The following PNP variants were observed in gnomAD, a reference collection of about 807,000 sequenced individuals.
PNP encodes the protein purine nucleoside phosphorylase, also known as HEL-S-156an.
Under a neutral mutation model 26.8 loss-of-function variants are expected in PNP, and 18 were observed. That is an observed-to-expected ratio of 0.67 (90% CI 0.46 to 1.00). The LOEUF is 1.00. PNP is among the 50% of genes least tolerant of loss of function. The pLI is 0.00. For synonymous variants in PNP, 116 were observed against 124.8 expected (o/e 0.93, Z 0.47); for missense variants, 320 against 362.9 (o/e 0.88, Z 0.96).
chr14:20,475,997 G>A (rs1199548400), intron 5 of PNP, among the ~76,000 whole-genome samples: 1 of 152,116 alleles, frequency 6.6e-6, no homozygotes, highest in Non-Finnish European at 1.5e-5. Context: ...GTTTTAGGTG[G>A]GGCCTTGCTC....
chr14:20,469,438 A>G lies in PNP; in HGVS notation c.-87A>G. 6 of 1,518,968 alleles carry G rather than the reference A, an allele frequency of 4.0e-6. No individual in the cohort carries two copies. The highest frequency in any genetic ancestry group is 2.0e-5 in the Admixed American group (1 of 50,954). The allele number at this position is 1,518,968 out of a possible 1,614,324, so 94.1% of individuals were successfully genotyped here. On this transcript the variant is annotated 5_prime_UTR_variant, in exon 1 of 6. Transcript: ENST00000361505. ...CGAACCAGACCCGGCAGCCTTGCTC[A>G]GTTCAGCATAGCGGAGCGGATCCGA...
At chr14:20,475,801 T>A (rs1327560546) in intron 5 of PNP, among the ~76,000 whole-genome samples, 1 of 152,150 alleles carries the variant, frequency 6.6e-6, no homozygotes, top group Non-Finnish European at 1.5e-5. Flanking sequence ...GATGACTGTT[T>A]CTAAGAATTC....
chr14:20,475,482 A>G (rs982512007), intron 5 of PNP, among the ~76,000 whole-genome samples: 1 of 152,138 alleles, frequency 6.6e-6, no homozygotes, highest in African/African-American at 2.4e-5. Context: ...TGATCTATCC[A>G]TGATTTGATG....
At position 20,469,462 on chromosome 14, in the gene PNP, G is replaced by A. The variant is rs1056366137; in HGVS notation, c.-63G>A. Reference sequence around the variant, plus strand: ...CAGTTCAGCATAGCGGAGCGGATCCGATCGGATCGGAGCGGATCGGAGCAC... The same window carrying A: ...CAGTTCAGCATAGCGGAGCGGATCCAATCGGATCGGAGCGGATCGGAGCAC... On this transcript the variant is annotated 5_prime_UTR_variant, in exon 1 of 6. Transcript: ENST00000361505. 7.1e-6 allele frequency: 11 copies of A among 1,548,612 alleles called. No individual in the cohort carries two copies. Among genetic ancestry groups the A allele is most frequent in the Admixed American group, 2.0e-5 (1 of 51,010 alleles).
Position 20,472,309 on chromosome 14 carries a change from T to C in PNP, c.13T>C (p.Tyr5His), listed in dbSNP as rs200560458. The C allele has an allele frequency of 1.5e-5, 24 of 1,613,306 alleles. No homozygotes were observed. The highest frequency in any genetic ancestry group is 5.0e-5 in the Admixed American group (3 of 60,006). The change falls in exon 2 of 6, where the codon TAC (tyrosine) becomes CAC (histidine). Residue 5 changes from tyrosine to histidine, a missense_variant and splice_region_variant. Physicochemically the swap from Tyr to His is moderately conservative, Grantham distance 83. Transcript: ENST00000361505. ...ACCTTGATATTTTTTCTCCCCCAGATACACCTATGAAGATTATAAGAACAC... is the reference window on the plus strand; with the variant it reads ...ACCTTGATATTTTTTCTCCCCCAGACACACCTATGAAGATTATAAGAACAC... MENG[Y>H]TYEDYKNTAE...
intron 1 of PNP, among the ~76,000 whole-genome samples, chr14:20,471,430 G>GT (rs202204253): frequency 6.6e-6 from 1 of 150,980 alleles, no homozygotes; most frequent in Admixed American, 6.6e-5. Flanking sequence ...GTGTGTGTGT[G>GT]TTTTTTATAG....
At position 20,476,649 on chromosome 14, in the gene PNP, G is replaced by C; in HGVS notation, c.*48G>C. 6.7e-7 allele frequency: 1 copy of C among 1,487,292 alleles called. No homozygotes were observed. The highest frequency in any genetic ancestry group is 9.4e-7 in the Non-Finnish European group (1 of 1,065,474). 92.1% of individuals were successfully genotyped at this position (1,487,292 alleles called of 1,614,324 possible). Reference sequence around the variant, plus strand: ...TCTCCCACACAAGACCCAAGTAGCTGCTACCTTCTTTGGCCCCTTGCTGGA... The same window carrying C: ...TCTCCCACACAAGACCCAAGTAGCTCCTACCTTCTTTGGCCCCTTGCTGGA... On this transcript the variant is annotated 3_prime_UTR_variant, in exon 6 of 6. Coordinates refer to ENST00000361505, the MANE Select transcript of PNP (RefSeq NM_000270.4).
chr14:20,472,669 G>C (rs1389603983), intron 2 of PNP, 192 bp downstream of exon 2: 16 of 681,446 alleles, frequency 2.3e-5, no homozygotes, highest in Admixed American at 6.2e-5. Context: ...TCCCATAAGA[G>C]ACAGGACATG....
intron 1 of PNP, 38 bp downstream of exon 1, chr14:20,469,573 G>T: frequency 6.4e-7 from 1 of 1,554,024 alleles, no homozygotes. Flanking sequence ...CCTTGGGGAG[G>T]GGCAGGTGCT....
At chr14:20,472,825 CTTCTT>C in intron 2 of PNP, 1 of 262,674 alleles carries the variant, frequency 3.8e-6, no homozygotes, top group South Asian at 5.0e-5. Flanking sequence ...AGATTTCTAT[CTTCTT>C]TTCCCTGGAG....
chr14:20,473,919 T>A (rs1021354085), intron 2 of PNP: 1 of 157,396 alleles, frequency 6.4e-6, no homozygotes, highest in African/African-American at 2.4e-5. Flanking sequence ...TTTTGTTATA[T>A]GGATATACTG....
At chr14:20,475,319 G>A in intron 5 of PNP, 67 bp downstream of exon 5, 3 of 1,373,910 alleles carry the variant, frequency 2.2e-6, no homozygotes, top group Non-Finnish European at 3.0e-6. Flanking sequence ...AGGGGAAGGA[G>A]TAGGAAATAA....
rs772212348 is a variant in PNP at position 20,475,169 on chromosome 14, G to C, written c.569G>C (p.Gly190Ala). ...QMGEQRELQEGTYVMVAGPSF... is the reference protein window; with the variant it reads ...QMGEQRELQEATYVMVAGPSF... ...GGGGAGCAACGTGAGCTACAGGAAGGCACCTATGTGATGGTGGCAGGCCCC... is the reference window on the plus strand; with the variant it reads ...GGGGAGCAACGTGAGCTACAGGAAGCCACCTATGTGATGGTGGCAGGCCCC... Residue 190 changes from glycine (G) to alanine (A), a missense_variant, in exon 5 of 6, where the codon GGC becomes GCC. Gly to Ala is a moderately conservative substitution (Grantham distance 60). Transcript: ENST00000361505. 2 of 1,614,216 alleles carry C rather than the reference G, an allele frequency of 1.2e-6. No homozygotes were observed. Among genetic ancestry groups the C allele is most frequent in the Non-Finnish European group, 1.7e-6 (2 of 1,180,040 alleles).
chr14:20,469,435 C>T lies in PNP; in HGVS notation c.-90C>T. On this transcript the variant is annotated 5_prime_UTR_variant, in exon 1 of 6. Transcript: ENST00000361505. ...GTGCGAACCAGACCCGGCAGCCTTG[C>T]TCAGTTCAGCATAGCGGAGCGGATC... is the stretch of plus-strand genomic sequence containing the variant. 3 of 1,517,722 alleles carry T rather than the reference C, an allele frequency of 2.0e-6. No homozygotes were observed. Among genetic ancestry groups the T allele is most frequent in the Non-Finnish European group, 1.8e-6 (2 of 1,117,706 alleles). The allele number at this position is 1,517,722 out of a possible 1,614,324, so 94.0% of individuals were successfully genotyped here.
At chr14:20,469,826 G>A (rs1369553467) in intron 1 of PNP, 1 of 596,970 alleles carries the variant, frequency 1.7e-6, no homozygotes, top group Non-Finnish European at 3.0e-6. Flanking sequence ...GTGTCTCCGT[G>A]TGTGTGTTAG....
intron 1 of PNP, among the ~76,000 whole-genome samples, chr14:20,471,369 C>A (rs970818430): frequency 1.3e-5 from 2 of 151,622 alleles, no homozygotes; most frequent in Non-Finnish European, 2.9e-5. Context: ...GTTTTAAAAT[C>A]AAAATTACAT....
Position 20,476,287 on chromosome 14 carries a change from T to C in PNP, c.653-97T>C, listed in dbSNP as rs1289848566. On this transcript the variant is annotated intron_variant, in intron 5 of 5. Transcript: ENST00000361505. ...GCACCCGGCCATCTTTGGATGTTTT[T>C]TGAGATTTTTAATTCTTGTTGAAAG... 8 of 1,026,140 alleles carry C rather than the reference T, an allele frequency of 7.8e-6. No homozygotes were observed. The South Asian group carries it at 1.0e-4, about 13-fold the overall frequency. 63.6% of individuals were successfully genotyped at this position (1,026,140 alleles called of 1,614,324 possible). A position where few individuals can be genotyped will look rare whatever the true frequency, so the allele number is the denominator to read the frequency against.
At chr14:20,471,276 C>T (rs1881982447) in intron 1 of PNP, among the ~76,000 whole-genome samples, 1 of 145,654 alleles carries the variant, frequency 6.9e-6, no homozygotes, top group African/African-American at 2.6e-5. Flanking sequence ...GTCTCGATCT[C>T]CTGACCTCGT....
rs773216716 is a variant in PNP at position 20,469,481 on chromosome 14, G to A, written c.-44G>A. 8 of 1,549,856 alleles carry A rather than the reference G, an allele frequency of 5.2e-6. No individual in the cohort carries two copies. The highest frequency in any genetic ancestry group is 7.0e-6 in the Non-Finnish European group (8 of 1,146,938). On this transcript the variant is annotated 5_prime_UTR_variant, in exon 1 of 6. Transcript: ENST00000361505. The stretch of plus-strand genomic sequence containing the variant: ...GGATCCGATCGGATCGGAGCGGATC[G>A]GAGCACACCGGAGCAGGCTCATCGA...
Sources: allele counts gnomAD v4.1 joint callset (sites outside exome capture counted in the v4.1 genomes callset), GRCh38; gene constraint gnomAD v4.1.1; transcripts MANE v1.5; gene names NCBI Gene and HGNC (gene_info 2026-07-23, HGNC 2026-07-21).